Variants in ADGRB3 observed in about 807,000 individuals in gnomAD.
ADGRB3 encodes the protein adhesion G protein-coupled receptor B3, also known as brain-specific angiogenesis inhibitor 3.
In ADGRB3, 37 loss-of-function variants were observed where a neutral mutation model predicts 193.4. The observed-to-expected ratio is 0.19, with a 90% CI of 0.15 to 0.25. ADGRB3 has a LOEUF of 0.25. ADGRB3 is among the 10% of genes least tolerant of loss of function. The probability of loss-of-function intolerance (pLI) is 1.00; values close to 1 mark genes in which losing one functional copy is unlikely to be tolerated. For synonymous variants in ADGRB3, 690 were observed against 644.2 expected (o/e 1.07, Z -1.08); for missense variants, 1,637 against 1,852.9 (o/e 0.88, Z 2.14).
chr6:69,068,460 T>C (rs556819470), intron 16 of ADGRB3, among the ~76,000 whole-genome samples: 89 of 152,310 alleles, frequency 5.8e-4, no homozygotes, highest in Non-Finnish European at 1.0e-3. Flanking sequence ...GTTTTAACTC[T>C]AGAAGACCCA....
intron 3 of ADGRB3, among the ~76,000 whole-genome samples, chr6:68,895,400 C>T (rs1182528947): frequency 1.3e-5 from 2 of 151,910 alleles, no homozygotes; most frequent in African/African-American, 2.4e-5. Flanking sequence ...TTTGTGATGA[C>T]ATCTTTCTAG....
chr6:68,636,750 C>T lies in ADGRB3; in HGVS notation c.-187-641C>T, dbSNP rs567286641. Among the ~76,000 whole-genome samples the T allele has an allele frequency of 3.9e-5, 6 of 152,248 alleles. No individual in the cohort carries two copies. In the East Asian group the frequency reaches 9.7e-4, roughly 25 times the overall value. On this transcript the variant is annotated intron_variant, in intron 1 of 31. Transcript: ENST00000370598. ...TCATTGATGAGCACGGCATTGCAGA[C>T]ATGCACTGTCAAATAAATGAAAGCA...
At chr6:69,118,239 C>G (rs1221162048) in intron 17 of ADGRB3, among the ~76,000 whole-genome samples, 3 of 152,024 alleles carry the variant, frequency 2.0e-5, no homozygotes, top group African/African-American at 7.2e-5. Context: ...TCTTGGAGCC[C>G]AGAGGCCTCT....
At chr6:68,715,077 A>G (rs974727762) in intron 3 of ADGRB3, among the ~76,000 whole-genome samples, 1 of 151,892 alleles carries the variant, frequency 6.6e-6, no homozygotes, top group African/African-American at 2.4e-5. Flanking sequence ...AAAACACAAA[A>G]GACTTTGAAA....
chr6:69,369,863 G>T (rs1769669767), intron 29 of ADGRB3, among the ~76,000 whole-genome samples: 2 of 151,860 alleles, frequency 1.3e-5, no homozygotes, highest in South Asian at 4.2e-4. Flanking sequence ...AAATTGCTAG[G>T]TTTTTTTTCT....
intron 19 of ADGRB3, among the ~76,000 whole-genome samples, chr6:69,236,521 A>G (rs1045252052): frequency 3.9e-5 from 6 of 152,050 alleles, no homozygotes; most frequent in African/African-American, 1.4e-4. Context: ...AAAAGTAGAC[A>G]ACTTCCTCTA....
At chr6:68,706,946 C>G (rs1455593659) in intron 3 of ADGRB3, among the ~76,000 whole-genome samples, 1 of 151,850 alleles carries the variant, frequency 6.6e-6, no homozygotes, top group Non-Finnish European at 1.5e-5. Flanking sequence ...CCCGTCTCTA[C>G]TAAAAATACA....
Position 68,996,038 on chromosome 6 carries a change from C to T in ADGRB3, c.1929+2076C>T, listed in dbSNP as rs542671075. ...AACTTCACGTTACTTTAGTTTTTGCCATGTCCAAGGGCTCTGGGCATTTCT... is the reference window on the plus strand; with the variant it reads ...AACTTCACGTTACTTTAGTTTTTGCTATGTCCAAGGGCTCTGGGCATTTCT... On this transcript the variant is annotated intron_variant, in intron 11 of 31. Transcript: ENST00000370598. 1.2e-3 allele frequency among the ~76,000 whole-genome samples: 183 copies of T among 152,146 alleles called. 1 individual carries two copies. The highest frequency in any genetic ancestry group is 4.1e-3 in the African/African-American group (169 of 41,522).
At chr6:69,053,603 C>T (rs900029444) in intron 15 of ADGRB3, among the ~76,000 whole-genome samples, 3 of 152,156 alleles carry the variant, frequency 2.0e-5, no homozygotes, top group African/African-American at 7.2e-5. Context: ...CCTCCCATTC[C>T]CCCTTGACCA....
At chr6:69,198,995 T>C (rs1170212510) in intron 17 of ADGRB3, among the ~76,000 whole-genome samples, 5 of 152,086 alleles carry the variant, frequency 3.3e-5, no homozygotes, top group Admixed American at 6.6e-5. Flanking sequence ...CAACTGAGCG[T>C]GTGGCTAAAT....
intron 9 of ADGRB3, 62 bp downstream of exon 9, chr6:68,974,926 G>A: frequency 7.2e-7 from 1 of 1,395,930 alleles, no homozygotes; most frequent in South Asian, 1.2e-5. Context: ...AGCATGCAGT[G>A]TTGGTTTATG....
At chr6:68,965,278 A>G (rs1382258260) in intron 8 of ADGRB3, among the ~76,000 whole-genome samples, 2 of 152,184 alleles carry the variant, frequency 1.3e-5, no homozygotes, top group African/African-American at 4.8e-5. Flanking sequence ...TGAATTCTTC[A>G]CATGAGTAGG....
intron 3 of ADGRB3, among the ~76,000 whole-genome samples, chr6:68,864,894 A>G (rs1391809644): frequency 2.0e-5 from 1 of 49,532 alleles, no homozygotes; most frequent in Admixed American, 2.5e-4. Context: ...ATCTGAATAG[A>G]TTGTTGATTA....
intron 20 of ADGRB3, among the ~76,000 whole-genome samples, chr6:69,260,939 C>G (rs1349987679): frequency 6.6e-6 from 1 of 152,164 alleles, no homozygotes; most frequent in East Asian, 1.9e-4. Flanking sequence ...AATCTGCCCT[C>G]AGTCTTTTAC....
intron 17 of ADGRB3, among the ~76,000 whole-genome samples, chr6:69,126,228 T>TG (rs34105253): frequency 0.016 from 2,254 of 137,102 alleles, 43 homozygotes; most frequent in Admixed American, 0.066. Context: ...GATAAATAGA[T>TG]ACACACATAC....
intron 3 of ADGRB3, among the ~76,000 whole-genome samples, chr6:68,915,653 C>G (rs1766858802): frequency 6.6e-6 from 1 of 151,958 alleles, no homozygotes; most frequent in Non-Finnish European, 1.5e-5. Context: ...TATAGAAAGT[C>G]TGAGGCTTCA....
chr6:68,723,877 G>A (rs776298505), intron 3 of ADGRB3, among the ~76,000 whole-genome samples: 7 of 151,468 alleles, frequency 4.6e-5, no homozygotes, highest in Non-Finnish European at 8.9e-5. Context: ...TAACATATTT[G>A]AGTGTCAGTA....
At chr6:68,959,770 A>AT (rs1157879735) in intron 8 of ADGRB3, among the ~76,000 whole-genome samples, 1 of 152,144 alleles carries the variant, frequency 6.6e-6, no homozygotes, top group Non-Finnish European at 1.5e-5. Flanking sequence ...ATAAGAAAAC[A>AT]TTTTTTAAAA....
intron 30 of ADGRB3, among the ~76,000 whole-genome samples, chr6:69,375,178 C>A (rs1769788595): frequency 6.6e-6 from 1 of 152,050 alleles, no homozygotes; most frequent in South Asian, 2.1e-4. Flanking sequence ...TAAGCTTTTT[C>A]TATTGTATTT....
Sources: allele counts gnomAD v4.1 joint callset (sites outside exome capture counted in the v4.1 genomes callset), GRCh38; gene constraint gnomAD v4.1.1; transcripts MANE v1.5; gene names NCBI Gene and HGNC (gene_info 2026-07-23, HGNC 2026-07-21).